Variants in ZNF333 observed in about 807,000 individuals in gnomAD.
ZNF333 encodes the protein zinc finger protein 333.
Under a neutral mutation model 76.1 loss-of-function variants are expected in ZNF333, and 61 were observed. The ratio of observed to expected loss-of-function variants is 0.80; its 90% CI spans 0.65 to 0.99. The LOEUF is 0.99. Ranked by LOEUF, ZNF333 falls within the 50% of genes least tolerant of loss-of-function variation. The pLI is 0.00. For missense variants in ZNF333, 717 were observed against 822.4 expected, an observed-to-expected ratio of 0.87 and a Z score of 1.57; for synonymous variants, 284 against 305.0, an observed-to-expected ratio of 0.93 and a Z score of 0.72.
At chr19:14,697,707 A>G (rs1356478649) in intron 4 of ZNF333, among the ~76,000 whole-genome samples, 1 of 152,100 alleles carries the variant, frequency 6.6e-6, no homozygotes, top group East Asian at 1.9e-4. Flanking sequence ...TCTTAGGTAT[A>G]TACTGAGGAG....
chr19:14,709,060 C>T (rs1241134468), intron 7 of ZNF333: 1 of 152,348 alleles, frequency 6.6e-6, no homozygotes, highest in East Asian at 1.9e-4. Flanking sequence ...AGTGAGTTCT[C>T]ACGAGATCTG....
chr19:14,719,373 G>C lies in ZNF333; in HGVS notation c.*48G>C. The C allele has an allele frequency of 6.6e-7, 1 of 1,516,568 alleles. No individual in the cohort carries two copies. Among genetic ancestry groups the C allele is most frequent in the Non-Finnish European group, 8.8e-7 (1 of 1,131,612 alleles). 93.9% of individuals were successfully genotyped at this position (1,516,568 alleles called of 1,614,324 possible). ...ACACATGGGGCTATGACTTTCCCTC[G>C]TAATACTCCTTTAGCTGCATCCTGT... On this transcript the variant is annotated 3_prime_UTR_variant, in exon 12 of 12. Coordinates refer to ENST00000292530, the MANE Select transcript of ZNF333 (RefSeq NM_032433.4).
rs575643557 is a variant in ZNF333 at position 14,708,294 on chromosome 19, C to T, written c.511+1521C>T. ...AAGTGCTGGGACCACAGGTGTGAGC[C>T]ACCGTGCCTGACCTATTTTGTTACT... On this transcript the variant is annotated intron_variant, in intron 7 of 11. Transcript: ENST00000292530. The T allele has an allele frequency of 6.0e-4, 239 of 400,634 alleles. 6 individuals are homozygous for T. In the South Asian group the frequency reaches 0.029, roughly 48 times the overall value. 24.8% of individuals were successfully genotyped at this position (400,634 alleles called of 1,614,324 possible). A position where few individuals can be genotyped will look rare whatever the true frequency, so the allele number is the denominator to read the frequency against.
At chr19:14,714,240 A>G (rs1207106389) in intron 7 of ZNF333, among the ~76,000 whole-genome samples, 1 of 152,154 alleles carries the variant, frequency 6.6e-6, no homozygotes, top group Admixed American at 6.5e-5. Flanking sequence ...ATGTGGCCTT[A>G]TTGGAAATAG....
At chr19:14,725,529 G>T (rs1406666046), downstream of ZNF333, among the ~76,000 whole-genome samples, 1 of 152,130 alleles carries the variant, frequency 6.6e-6, no homozygotes, top group Non-Finnish European at 1.5e-5. Flanking sequence ...CCTTCCCCGT[G>T]AGCCTGTGAA....
intron 5 of ZNF333, among the ~76,000 whole-genome samples, chr19:14,701,048 C>G (rs2041943386): frequency 6.6e-6 from 1 of 152,178 alleles, no homozygotes; most frequent in African/African-American, 2.4e-5. Context: ...CCTCACTCCC[C>G]AGGCCCTCCT....
At chr19:14,697,558 C>T (rs1480528369) in intron 4 of ZNF333, among the ~76,000 whole-genome samples, 2 of 151,804 alleles carry the variant, frequency 1.3e-5, no homozygotes, top group Admixed American at 1.3e-4. Context: ...GACCATTCTT[C>T]CTATGTTGCC....
chr19:14,732,196 A>G (rs2147054530), exon 12 of ZNF333: 1 of 152,280 alleles, frequency 6.6e-6, no homozygotes, highest in African/African-American at 2.4e-5. Context: ...TTGAACGTTT[A>G]TGGCAGCCCT....
intron 7 of ZNF333, among the ~76,000 whole-genome samples, chr19:14,707,620 C>T (rs1265392337): frequency 4.0e-5 from 6 of 149,526 alleles, no homozygotes; most frequent in East Asian, 2.0e-4. Flanking sequence ...GGCACTATCC[C>T]GGCTCACTGC....
chr19:14,719,172 G>A lies in ZNF333; in HGVS notation c.1845G>A (p.Gly615=). The A allele has an allele frequency of 1.9e-6, 3 of 1,614,184 alleles. No homozygotes were observed. The highest frequency in any genetic ancestry group is 2.5e-6 in the Non-Finnish European group (3 of 1,180,036). The change falls in exon 12 of 12, where the codon GGG becomes GGA. Residue 615 remains glycine (G), a synonymous_variant. Transcript: ENST00000292530. ...TACATGTGAGAACACACAGTGCCGG[G>A]AGACCCTATCAATGTAATCAGTGTG... ...LIVHVRTHSA[G]RPYQCNQCEK...
downstream of ZNF333, among the ~76,000 whole-genome samples, chr19:14,723,695 A>G (rs368144768): frequency 6.6e-6 from 1 of 152,294 alleles, no homozygotes; most frequent in Non-Finnish European, 1.5e-5. Flanking sequence ...TGTGTTGATC[A>G]TCACACTTCT....
chr19:14,718,506 C>T lies in ZNF333; in HGVS notation c.1179C>T (p.Cys393=), dbSNP rs781478880. 6.2e-7 allele frequency: 1 copy of T among 1,614,222 alleles called. No homozygotes were observed. The highest frequency in any genetic ancestry group is 1.7e-5 in the Admixed American group (1 of 60,028). ...RHEKTHTAEK[C]FDCQECGQAF... ...AGAAGACTCATACTGCAGAGAAGTG[C>T]TTTGACTGTCAAGAATGTGGGCAAG... is the stretch of plus-strand genomic sequence containing the variant. The change falls in exon 12 of 12, where the codon TGC becomes TGT. Residue 393 remains cysteine, a synonymous_variant. Coordinates refer to ENST00000292530, the MANE Select transcript of ZNF333 (RefSeq NM_032433.4).
rs201711534 is a variant in ZNF333, at chr19:14,719,069, C to T, written c.1742C>T (p.Ala581Val). Residue 581 changes from alanine to valine, a missense_variant, in exon 12 of 12, where the codon GCA becomes GTA. Coordinates refer to ENST00000292530, the MANE Select transcript of ZNF333 (RefSeq NM_032433.4). ...GAGCCCTCATCCCTCAGGAAACATG[C>T]AAGGACTCACAGTGGCAAGAAGCCC... Reference protein sequence around the residue: ...FSEPSSLRKHARTHSGKKPYA... With the variant: ...FSEPSSLRKHVRTHSGKKPYA... 1.2e-6 allele frequency: 2 copies of T among 1,613,756 alleles called. No individual in the cohort carries two copies. Among genetic ancestry groups the T allele is most frequent in the Non-Finnish European group, 1.7e-6 (2 of 1,179,916 alleles).
At chr19:14,728,187 TG>T (rs1277377039) in intron 11 of ZNF333, among the ~76,000 whole-genome samples, 1 of 152,226 alleles carries the variant, frequency 6.6e-6, no homozygotes, top group African/African-American at 2.4e-5. Context: ...CACTCCAGCC[TG>T]GGCGACAGAG....
intron 11 of ZNF333, among the ~76,000 whole-genome samples, chr19:14,730,091 C>T (rs111915633): frequency 2.5e-4 from 38 of 152,114 alleles, no homozygotes; most frequent in African/African-American, 8.0e-4. Context: ...CTCGCTCTGT[C>T]ACCCAGGCTG....
chr19:14,691,676 CTTTTTTTTT>C (rs71166784), intron 1 of ZNF333, among the ~76,000 whole-genome samples: 24 of 121,966 alleles, frequency 2.0e-4, no homozygotes, highest in African/African-American at 7.2e-4. Context: ...GTCATATTGT[CTTTTTTTTT>C]TTTTTTTTTG....
downstream of ZNF333, among the ~76,000 whole-genome samples, chr19:14,723,816 G>C (rs776812613): frequency 1.6e-4 from 25 of 152,172 alleles, no homozygotes; most frequent in Non-Finnish European, 2.6e-4. Flanking sequence ...TAAAGATCTA[G>C]GTTGATCAAA....
chr19:14,733,591 A>C (rs1599770026), exon 12 of ZNF333: 1 of 91,684 alleles, frequency 1.1e-5, no homozygotes, highest in Non-Finnish European at 2.7e-5. Context: ...TAAGCACAAC[A>C]AAAAAAACAC....
chr19:14,701,986 C>T (rs2041971056), intron 5 of ZNF333: 1 of 842,716 alleles, frequency 1.2e-6, no homozygotes, highest in Non-Finnish European at 1.4e-6. Context: ...GATCATACAA[C>T]CTGCTGCTGG....
Sources: allele counts gnomAD v4.1 joint callset (sites outside exome capture counted in the v4.1 genomes callset), GRCh38; gene constraint gnomAD v4.1.1; transcripts MANE v1.5; gene names NCBI Gene and HGNC (gene_info 2026-07-23, HGNC 2026-07-21).